The following LRRC49 variants were observed in gnomAD, a reference collection of about 807,000 sequenced individuals.
LRRC49 encodes the protein leucine rich repeat containing 49.
LRRC49 carries 50 observed loss-of-function variants against 83.3 expected under a neutral mutation model. That is an observed-to-expected ratio of 0.60 (90% confidence interval 0.48 to 0.76). The LOEUF is 0.76. Among genes scored for constraint, LRRC49 ranks in the 30% least tolerant of loss-of-function variants. LRRC49 has a pLI of 0.00. For missense variants in LRRC49, 704 were observed against 809.1 expected (o/e 0.87, Z 1.58); for synonymous variants, 286 against 283.3 (o/e 1.01, Z -0.10).
chr15:71,025,094 G>A (rs1438190951), intron 14 of LRRC49, among the ~76,000 whole-genome samples: 2 of 152,118 alleles, frequency 1.3e-5, no homozygotes, highest in Non-Finnish European at 2.9e-5. Context: ...AAAGAGACAG[G>A]GAGAATGGAA....
rs528720968 is a variant in LRRC49, at chr15:70,938,325, C to T, written c.773+1503C>T. 2.2e-4 allele frequency among the ~76,000 whole-genome samples: 33 copies of T among 152,220 alleles called. 2 individuals carry two copies. In the South Asian group the frequency reaches 6.9e-3, roughly 32 times the overall value. On this transcript the variant is annotated intron_variant, in intron 8 of 15. Coordinates refer to ENST00000260382, the MANE Select transcript of LRRC49 (RefSeq NM_017691.5). ...TTAAGATTAATGAGATTAATATTTA[C>T]AACTTTCTTTAAAAAGTGTGATTTC...
chr15:70,989,431 C>T (rs902859982), intron 11 of LRRC49, among the ~76,000 whole-genome samples: 2 of 152,182 alleles, frequency 1.3e-5, no homozygotes, highest in African/African-American at 4.8e-5. Context: ...GCATCGGCTC[C>T]TGAGGCTTCT....
At chr15:71,035,950 C>G (rs1165136065) in intron 14 of LRRC49, among the ~76,000 whole-genome samples, 2 of 152,158 alleles carry the variant, frequency 1.3e-5, no homozygotes, top group Non-Finnish European at 2.9e-5. Flanking sequence ...CTAATTTACA[C>G]TCCCACCAAC....
intron 14 of LRRC49, among the ~76,000 whole-genome samples, chr15:71,034,961 G>C (rs975421167): frequency 6.6e-6 from 1 of 152,138 alleles, no homozygotes; most frequent in African/African-American, 2.4e-5. Flanking sequence ...CTAGTGATGG[G>C]TTGATAGGTG....
intron 11 of LRRC49, among the ~76,000 whole-genome samples, chr15:70,998,053 A>G (rs2038133667): frequency 6.6e-6 from 1 of 152,162 alleles, no homozygotes; most frequent in Admixed American, 6.5e-5. Context: ...AATTAATACC[A>G]ACCTAGTTGT....
chr15:70,887,843 T>C (rs1446225663), upstream of LRRC49, among the ~76,000 whole-genome samples: 1 of 152,172 alleles, frequency 6.6e-6, no homozygotes, highest in Non-Finnish European at 1.5e-5. Flanking sequence ...TTATAAACTA[T>C]TGAAATTAAT....
intron 1 of LRRC49, among the ~76,000 whole-genome samples, chr15:70,867,106 A>G (rs1391357262): frequency 1.3e-5 from 2 of 151,300 alleles, no homozygotes; most frequent in East Asian, 2.0e-4. Context: ...AAGACAGCAC[A>G]TCTCAATGCC....
chr15:71,002,351 T>A (rs1264861281), intron 11 of LRRC49, among the ~76,000 whole-genome samples: 1 of 152,156 alleles, frequency 6.6e-6, no homozygotes, highest in East Asian at 1.9e-4. Flanking sequence ...AACAAGTCTC[T>A]ATGAAAAAAT....
At chr15:70,860,037 G>C (rs1464878229) in intron 1 of LRRC49, 2 of 742,300 alleles carry the variant, frequency 2.7e-6, no homozygotes, top group African/African-American at 3.4e-5. Context: ...CTGGGCTCCA[G>C]CTTTGGCTCT....
chr15:70,980,227 A>G (rs1316476864), intron 10 of LRRC49, 43 bp downstream of exon 10: 1 of 1,405,486 alleles, frequency 7.1e-7, no homozygotes, highest in Non-Finnish European at 9.9e-7. Context: ...GCACACGTAG[A>G]CACACATACC....
intron 2 of LRRC49, chr15:70,882,934 CAT>C (rs2033302619): frequency 6.2e-7 from 1 of 1,612,382 alleles, no homozygotes; most frequent in East Asian, 2.2e-5. Flanking sequence ...AGAGGAGAAA[CAT>C]ATTAAAGTGT....
intron 2 of LRRC49, chr15:70,873,243 T>G (rs1488924582): frequency 6.5e-7 from 1 of 1,535,758 alleles, no homozygotes; most frequent in Admixed American, 2.0e-5. Context: ...CACTTTCAGT[T>G]GACATAATTT....
chr15:70,961,226 T>C (rs533787692), intron 8 of LRRC49, among the ~76,000 whole-genome samples: 1 of 152,308 alleles, frequency 6.6e-6, no homozygotes, highest in East Asian at 1.9e-4. Flanking sequence ...GATACCACTA[T>C]GTACCTCTTG....
At chr15:70,854,212 G>A in intron 1 of LRRC49, 1 of 611,524 alleles carries the variant, frequency 1.6e-6, no homozygotes, top group African/African-American at 2.0e-5. Context: ...CCAGGGGAGG[G>A]ACAGGGGTCG....
chr15:71,023,841 T>C (rs2039072018), intron 14 of LRRC49, among the ~76,000 whole-genome samples: 1 of 152,170 alleles, frequency 6.6e-6, no homozygotes, highest in African/African-American at 2.4e-5. Flanking sequence ...GCAGTCACCA[T>C]CACTGAGGCT....
intron 15 of LRRC49, among the ~76,000 whole-genome samples, chr15:71,041,444 A>G (rs1186958860): frequency 6.6e-6 from 1 of 152,228 alleles, no homozygotes; most frequent in Admixed American, 6.5e-5. Context: ...ATTCAGTAAT[A>G]TAGCAGAAGT....
At position 70,913,169 on chromosome 15, in the gene LRRC49, C is replaced by T. The variant is rs182789937; in HGVS notation, c.567+1571C>T. On this transcript the variant is annotated intron_variant, in intron 6 of 15. Coordinates refer to ENST00000260382, the MANE Select transcript of LRRC49 (RefSeq NM_017691.5). ...TGATAAGCCTACATCCTGGGATGAT[C>T]GGGGAATCCCTGCCTGTTGATGAAC... Among the ~76,000 whole-genome samples, 544 of 152,258 alleles carry T rather than the reference C, an allele frequency of 3.6e-3. 4 individuals carry two copies. The highest frequency in any genetic ancestry group is 5.3e-3 in the Non-Finnish European group (363 of 68,012).
intron 2 of LRRC49, among the ~76,000 whole-genome samples, chr15:70,876,468 T>G (rs1440980953): frequency 6.6e-6 from 1 of 152,112 alleles, no homozygotes; most frequent in Admixed American, 6.5e-5. Flanking sequence ...CATGACATGC[T>G]TTGGTAGTAT....
intron 11 of LRRC49, among the ~76,000 whole-genome samples, chr15:70,992,141 G>A (rs1379710746): frequency 6.6e-6 from 1 of 152,186 alleles, no homozygotes; most frequent in Non-Finnish European, 1.5e-5. Flanking sequence ...TAGTTCCCGT[G>A]CCATGGTTTT....
Sources: gnomAD v4.1 joint callset for allele counts (sites outside exome capture counted in the v4.1 genomes callset) on GRCh38, gnomAD v4.1.1 for gene constraint, MANE v1.5 for transcripts, NCBI Gene and HGNC (gene_info 2026-07-23, HGNC 2026-07-21) for gene names.